The following NSUN3 variants were observed in gnomAD, a reference collection of about 807,000 sequenced individuals.
NSUN3 encodes the protein NOP2/Sun RNA methyltransferase 3.
NSUN3 carries 24 observed loss-of-function variants against 36.8 expected under a neutral mutation model. The observed-to-expected ratio is 0.65, with a 90% confidence interval of 0.47 to 0.92. The LOEUF (loss-of-function observed/expected upper bound fraction) is 0.92, where lower values mean the gene tolerates loss of function less well. NSUN3 is among the 40% of genes least tolerant of loss of function. The pLI is 0.00. For synonymous variants in NSUN3, 146 were observed against 145.2 expected, an observed-to-expected ratio of 1.01 and a Z score of -0.04; for missense variants, 381 against 392.8, an observed-to-expected ratio of 0.97 and a Z score of 0.25.
intron 3 of NSUN3, among the ~76,000 whole-genome samples, chr3:94,087,050 A>G (rs1226366303): frequency 2.6e-5 from 4 of 152,262 alleles, no homozygotes; most frequent in Non-Finnish European, 5.9e-5. Flanking sequence ...CCCAAAGGCA[A>G]ACTGATATAT....
chr3:94,100,557 G>A (rs547135024), intron 5 of NSUN3, among the ~76,000 whole-genome samples: 3 of 152,222 alleles, frequency 2.0e-5, no homozygotes, highest in African/African-American at 2.4e-5. Flanking sequence ...ATGATCTGTC[G>A]CACTATGTGG....
At chr3:94,117,594 G>C (rs965757218) in intron 5 of NSUN3, among the ~76,000 whole-genome samples, 5 of 152,194 alleles carry the variant, frequency 3.3e-5, no homozygotes, top group Non-Finnish European at 7.3e-5. Flanking sequence ...TTTGGGGAAA[G>C]TTGTATACCT....
chr3:94,093,969 A>G (rs2077326949), intron 3 of NSUN3, among the ~76,000 whole-genome samples, 171 bp from the exon 4 acceptor site: 1 of 152,214 alleles, frequency 6.6e-6, no homozygotes. Flanking sequence ...ATACATACAC[A>G]TATACCTTAT....
chr3:94,100,828 G>A (rs1477756997), intron 5 of NSUN3, among the ~76,000 whole-genome samples: 1 of 152,078 alleles, frequency 6.6e-6, no homozygotes, highest in African/African-American at 2.4e-5. Flanking sequence ...AAATATTTAT[G>A]TTACATAAGC....
At chr3:94,104,430 AACCCC>A (rs1215687311) in intron 5 of NSUN3, among the ~76,000 whole-genome samples, 1 of 152,208 alleles carries the variant, frequency 6.6e-6, no homozygotes, top group African/African-American at 2.4e-5. Flanking sequence ...CTCACTCCTG[AACCCC>A]AACCAGGCCT....
intron 2 of NSUN3, among the ~76,000 whole-genome samples, chr3:94,080,665 C>T (rs563327809): frequency 2.0e-5 from 3 of 152,310 alleles, no homozygotes; most frequent in African/African-American, 7.2e-5. Context: ...CAGTGGGCTC[C>T]GCCCAGTTCA....
intron 5 of NSUN3, among the ~76,000 whole-genome samples, chr3:94,123,459 AC>A (rs1242117900): frequency 6.6e-6 from 1 of 152,132 alleles, no homozygotes; most frequent in East Asian, 1.9e-4. Context: ...CTCCACTGAT[AC>A]CAGTCTGATT....
intron 5 of NSUN3, among the ~76,000 whole-genome samples, chr3:94,110,709 A>G (rs2077412381): frequency 6.6e-6 from 1 of 152,086 alleles, no homozygotes; most frequent in Admixed American, 6.6e-5. Flanking sequence ...AGTTCTCCAG[A>G]GAAAAAGAGT....
intron 1 of NSUN3, 33 bp downstream of exon 1, chr3:94,063,171 C>G: frequency 6.2e-7 from 1 of 1,612,626 alleles, no homozygotes; most frequent in Non-Finnish European, 8.5e-7. Context: ...GTACCTCTAT[C>G]TGAATGAGAC....
At chr3:94,092,157 G>A (rs749329681) in intron 3 of NSUN3, among the ~76,000 whole-genome samples, 1 of 152,148 alleles carries the variant, frequency 6.6e-6, no homozygotes. Flanking sequence ...ACCAGCTCTT[G>A]TTGTGGACTT....
chr3:94,121,081 C>T lies in NSUN3; in HGVS notation c.744-5130C>T, dbSNP rs2077459326. On this transcript the variant is annotated intron_variant, in intron 5 of 5. Coordinates refer to ENST00000314622, the MANE Select transcript of NSUN3 (RefSeq NM_022072.5). ...TCCTATTGCTGCTGTTAACAATTTG[C>T]CACAAATTTAGTGGCTTTAAATAGC... Among the ~76,000 whole-genome samples, 3 of 152,120 alleles carry T rather than the reference C, an allele frequency of 2.0e-5. No homozygotes were observed. The South Asian group carries it at 6.2e-4, about 32-fold the overall frequency.
chr3:94,110,037 G>A (rs780874888), intron 5 of NSUN3, among the ~76,000 whole-genome samples: 20 of 152,092 alleles, frequency 1.3e-4, no homozygotes, highest in Non-Finnish European at 2.8e-4. Flanking sequence ...TATTTTTGAA[G>A]TTTATTCATA....
In NSUN3 at chr3:94,117,606, A is replaced by T. The variant is rs117988558; in HGVS notation, c.744-8605A>T. On this transcript the variant is annotated intron_variant, in intron 5 of 5. Transcript: ENST00000314622. ...AGATTTGGGGAAAGTTGTATACCTG[A>T]TATCTGCCATATAGTAACAGGTTAT... is the stretch of plus-strand genomic sequence containing the variant. Among the ~76,000 whole-genome samples the T allele has an allele frequency of 1.1e-3, 165 of 152,304 alleles. 1 individual carries two copies. The East Asian group carries it at 0.031, about 28-fold the overall frequency.
intron 5 of NSUN3, among the ~76,000 whole-genome samples, chr3:94,098,906 CTACTCAATTATCTAG>C (rs1159170790): frequency 1.3e-5 from 2 of 152,080 alleles, no homozygotes; most frequent in African/African-American, 4.8e-5. Context: ...AGTTCCTCTG[CTACTCAATTATCTAG>C]TACGTGCCTC....
rs1033138609 is a variant in NSUN3 at position 94,118,694 on chromosome 3, TA to T, written c.744-7506del. On this transcript the variant is annotated intron_variant, in intron 5 of 5. Coordinates refer to ENST00000314622, the MANE Select transcript of NSUN3 (RefSeq NM_022072.5). Reference sequence around the variant, plus strand: ...CTGTTTAGTTTTCCTTCCTCTTATTTAAAAAAAAAAATAATAAATAACTAAA... The same window carrying T: ...CTGTTTAGTTTTCCTTCCTCTTATTTAAAAAAAAAATAATAAATAACTAAA... Among the ~76,000 whole-genome samples the T allele has an allele frequency of 7.3e-3, 1,075 of 147,402 alleles. 11 individuals are homozygous for T. The highest frequency in any genetic ancestry group is 0.023 in the East Asian group (120 of 5,118).
intron 3 of NSUN3, among the ~76,000 whole-genome samples, chr3:94,089,602 A>G (rs1260277727): frequency 6.6e-6 from 1 of 152,076 alleles, no homozygotes; most frequent in East Asian, 1.9e-4. Context: ...GTGCGTGCTC[A>G]CCTTCCAAGT....
intron 2 of NSUN3, among the ~76,000 whole-genome samples, chr3:94,073,935 C>T (rs1035644702): frequency 2.0e-5 from 3 of 152,038 alleles, no homozygotes; most frequent in Admixed American, 6.6e-5. Context: ...GGTTTTAGGT[C>T]TTATGTTTAA....
chr3:94,110,337 T>TTCAGTGATAGGAAGTTA (rs2077411078), intron 5 of NSUN3, among the ~76,000 whole-genome samples: 1 of 152,004 alleles, frequency 6.6e-6, no homozygotes, highest in Non-Finnish European at 1.5e-5. Flanking sequence ...AGTGATAACT[T>TTCAGTGATAGGAAGTTA]TCAGTGATAG....
At chr3:94,107,173 C>T (rs746148404) in intron 5 of NSUN3, among the ~76,000 whole-genome samples, 4 of 152,154 alleles carry the variant, frequency 2.6e-5, no homozygotes, top group African/African-American at 7.2e-5. Context: ...TCAAGCGATC[C>T]GCCTGCCTTG....
Sources: allele counts gnomAD v4.1 joint callset (sites outside exome capture counted in the v4.1 genomes callset), GRCh38; gene constraint gnomAD v4.1.1; transcripts MANE v1.5; gene names NCBI Gene and HGNC (gene_info 2026-07-23, HGNC 2026-07-21).